Variants in ABCC9 observed in about 807,000 individuals in gnomAD.
ABCC9 encodes the protein ATP-binding cassette sub-family C member 9.
ABCC9 carries 95 observed loss-of-function variants against 188.3 expected under a neutral mutation model. The ratio of observed to expected loss-of-function variants is 0.50; its 90% CI spans 0.43 to 0.60. The LOEUF is 0.60. Ranked by LOEUF, ABCC9 falls within the 20% of genes least tolerant of loss-of-function variation. ABCC9 has a pLI of 0.00. For missense variants in ABCC9, 1,102 were observed against 1,876.3 expected (o/e 0.59, Z 7.62); for synonymous variants, 659 against 652.7 (o/e 1.01, Z -0.15).
intron 11 of ABCC9, 67 bp downstream of exon 11, chr12:21,908,010 C>G: frequency 1.3e-6 from 2 of 1,498,470 alleles, no homozygotes; most frequent in African/African-American, 1.4e-5. Context: ...GTATTAATTT[C>G]CTATATTATA....
chr12:21,809,064 A>G (rs1942053193), intron 37 of ABCC9, among the ~76,000 whole-genome samples: 1 of 152,190 alleles, frequency 6.6e-6, no homozygotes, highest in Admixed American at 6.6e-5. Flanking sequence ...TTTGGCAACT[A>G]TATATTGTAT....
rs767851282 is a variant in ABCC9 at position 21,810,003 on chromosome 12, C to CT, written c.4212-49dup. 4 of 1,143,646 alleles carry CT rather than the reference C, an allele frequency of 3.5e-6. No homozygotes were observed. In the East Asian group the frequency reaches 9.4e-5, roughly 27 times the overall value. The allele number at this position is 1,143,646 out of a possible 1,614,324, so 70.8% of individuals were successfully genotyped here. A position where few individuals can be genotyped will look rare whatever the true frequency, so the allele number is the denominator to read the frequency against. ...TAGTCAATAAGTGAAAATATAGAAACTTTTATGTATATTTGCTTATTGCTT... is the reference window on the plus strand; with the variant it reads ...TAGTCAATAAGTGAAAATATAGAAACTTTTTATGTATATTTGCTTATTGCTT... On this transcript the variant is annotated intron_variant, in intron 36 of 39. Coordinates refer to ENST00000261200, the MANE Select transcript of ABCC9 (RefSeq NM_020297.4).
At chr12:21,880,711 G>A (rs1331091248) in intron 16 of ABCC9, among the ~76,000 whole-genome samples, 1 of 152,080 alleles carries the variant, frequency 6.6e-6, no homozygotes, top group African/African-American at 2.4e-5. Context: ...GCAAAAAAAT[G>A]AGAAGCATTT....
At chr12:21,818,367 T>G (rs1361658103) in intron 31 of ABCC9, 116 bp from the exon 32 acceptor site, 1 of 814,550 alleles carries the variant, frequency 1.2e-6, no homozygotes, top group Admixed American at 1.9e-5. Flanking sequence ...TGTGTCCTGT[T>G]AAGTTTCAGA....
rs1220825412 is a variant in ABCC9 at position 21,860,996 on chromosome 12, C to T, written c.2399G>A (p.Gly800Glu). The change falls in exon 21 of 40, where the codon GGA (glycine) becomes GAA (glutamate). Residue 800 changes from glycine to glutamate, a missense_variant. Physicochemically the swap from Gly to Glu is moderately conservative, Grantham distance 98 (BLOSUM62 -2). This residue lies in a region of ABCC9 where 31 missense variants were observed against 78.8 expected (regional missense o/e 0.39). Transcript: ENST00000261200. ...LQPDIDLLPF[G>E]DQTEIGERGI... ...CCTCTCTCCAATTTCAGTTTGATCT[C>T]CAAATGGTAATAAGTCAATATCTGG... 2 of 1,613,538 alleles carry T rather than the reference C, an allele frequency of 1.2e-6. No homozygotes were observed. Among genetic ancestry groups the T allele is most frequent in the Non-Finnish European group, 1.7e-6 (2 of 1,179,738 alleles).
chr12:21,861,395 T>C (rs559768493), intron 20 of ABCC9, among the ~76,000 whole-genome samples: 1 of 152,096 alleles, frequency 6.6e-6, no homozygotes, highest in African/African-American at 2.4e-5. Context: ...CATACCCAGC[T>C]AATTATTTTG....
chr12:21,912,775 C>T, intron 8 of ABCC9, 97 bp downstream of exon 8: 1 of 1,190,480 alleles, frequency 8.4e-7, no homozygotes, highest in Non-Finnish European at 1.2e-6. Flanking sequence ...GAAAAAAAGC[C>T]TATTTGAACA....
intron 24 of ABCC9, among the ~76,000 whole-genome samples, chr12:21,851,109 A>G (rs1944942344): frequency 6.6e-6 from 1 of 152,036 alleles, no homozygotes; most frequent in Non-Finnish European, 1.5e-5. Flanking sequence ...TAAATTTCCT[A>G]ATATTTTAAA....
chr12:21,915,514 A>ATTT lies in ABCC9; in HGVS notation c.816+151_816+153dup, dbSNP rs71053356. On this transcript the variant is annotated intron_variant, in intron 7 of 39. Transcript: ENST00000261200. The stretch of plus-strand genomic sequence containing the variant: ...TGTGTGTGTGTGTATATATATATAT[A>ATTT]TTTTTTTTTTTTTTTTGAGACAGAG... Among the ~76,000 whole-genome samples, 5 of 3,522 alleles carry ATTT rather than the reference A, an allele frequency of 1.4e-3. 2 individuals carry two copies. Among genetic ancestry groups the ATTT allele is most frequent in the African/African-American group, 5.4e-3 (5 of 924 alleles). The allele number at this position is 3,522 out of a possible 152,430, so 2.3% of individuals were successfully genotyped here. A position where few individuals can be genotyped will look rare whatever the true frequency, so the allele number is the denominator to read the frequency against.
intron 30 of ABCC9, among the ~76,000 whole-genome samples, chr12:21,833,338 G>A (rs1943881956): frequency 1.3e-5 from 2 of 152,012 alleles, no homozygotes; most frequent in Non-Finnish European, 2.9e-5. Context: ...ATTGGATCCT[G>A]CAGGTACTTC....
At chr12:21,903,994 C>A (rs913828081) in intron 12 of ABCC9, among the ~76,000 whole-genome samples, 2 of 151,526 alleles carry the variant, frequency 1.3e-5, no homozygotes, top group African/African-American at 4.8e-5. Flanking sequence ...GCCAAAAGAA[C>A]ACCTGGAGGC....
At chr12:21,839,061 G>A (rs187623878) in intron 29 of ABCC9, among the ~76,000 whole-genome samples, 129 of 152,206 alleles carry the variant, frequency 8.5e-4, no homozygotes, top group African/African-American at 2.9e-3. Context: ...CAGAGCTGTC[G>A]TTTAATCCTT....
chr12:21,811,643 T>G (rs1942248046), intron 36 of ABCC9, among the ~76,000 whole-genome samples: 1 of 151,820 alleles, frequency 6.6e-6, no homozygotes, highest in South Asian at 2.1e-4. Flanking sequence ...GCTTTATTCA[T>G]AGCAATTTTG....
intron 18 of ABCC9, among the ~76,000 whole-genome samples, chr12:21,866,090 A>C (rs774897924): frequency 4.0e-5 from 6 of 151,786 alleles, no homozygotes. Context: ...ACTTCAGACC[A>C]GAGAAAATAT....
chr12:21,831,612 A>G (rs1367332355), intron 30 of ABCC9, among the ~76,000 whole-genome samples: 4 of 152,132 alleles, frequency 2.6e-5, no homozygotes, highest in African/African-American at 9.7e-5. Context: ...AAATGGAGTG[A>G]AGGGTGGAGA....
chr12:21,839,667 C>T (rs987858913), intron 29 of ABCC9, among the ~76,000 whole-genome samples: 3 of 152,148 alleles, frequency 2.0e-5, no homozygotes, highest in African/African-American at 7.2e-5. Context: ...CTGCCCTTCT[C>T]TAGGTTTTTG....
chr12:21,859,908 G>T (rs998462478), intron 21 of ABCC9, among the ~76,000 whole-genome samples: 5 of 152,094 alleles, frequency 3.3e-5, no homozygotes, highest in Admixed American at 6.6e-5. Flanking sequence ...AGAGATCTCT[G>T]CTGTACAGAA....
At chr12:21,877,902 C>A (rs565916782) in intron 16 of ABCC9, among the ~76,000 whole-genome samples, 1 of 152,128 alleles carries the variant, frequency 6.6e-6, no homozygotes, top group Non-Finnish European at 1.5e-5. Context: ...TAGCACTCAG[C>A]AGCCTGGTTA....
At position 21,844,927 on chromosome 12, in the gene ABCC9, C is replaced by G. The variant is rs1223511822; in HGVS notation, c.3097-12G>C. On this transcript the variant is annotated splice_polypyrimidine_tract_variant and intron_variant, in intron 26 of 39. Transcript: ENST00000261200. ...GCCACATAGTAGGTCTAAAAAGCAA[C>G]CAACACAAAAAGCACATAGGAAATT... is the stretch of plus-strand genomic sequence containing the variant. The G allele has an allele frequency of 6.2e-7, 1 of 1,613,274 alleles. No homozygotes were observed. The highest frequency in any genetic ancestry group is 1.3e-5 in the African/African-American group (1 of 74,868).
Sources: allele counts gnomAD v4.1 joint callset (sites outside exome capture counted in the v4.1 genomes callset), GRCh38; gene constraint gnomAD v4.1.1; regional missense constraint gnomAD v4.1.1; transcripts MANE v1.5; gene names NCBI Gene and HGNC (gene_info 2026-07-23, HGNC 2026-07-21).